COL5A2: variants seen among roughly 807,000 people sequenced by gnomAD.
The protein encoded by COL5A2 is collagen type V alpha 2 chain.
Under a neutral mutation model 208.2 loss-of-function variants are expected in COL5A2, and 23 were observed. The ratio of observed to expected loss-of-function variants is 0.11; its 90% CI spans 0.08 to 0.16. The LOEUF is 0.16. COL5A2 is among the 10% of genes least tolerant of loss of function. COL5A2 has a pLI of 1.00. For synonymous variants in COL5A2, 625 were observed against 628.5 expected (o/e 0.99, Z 0.08); for missense variants, 1,590 against 1,956.4 (o/e 0.81, Z 3.53).
At position 189,036,939 on chromosome 2, in the gene COL5A2, G is replaced by A. The variant is rs1559072383; in HGVS notation, c.3926-136C>T. ...TCTTTTAAGTGAGAGTGCCCCTTAC[G>A]AAAAAAGTAACCGGTATGCATTGGG... On this transcript the variant is annotated intron_variant, in intron 51 of 53. Coordinates refer to ENST00000374866, the MANE Select transcript of COL5A2 (RefSeq NM_000393.5). The A allele has an allele frequency of 3.3e-5, 24 of 727,272 alleles. 1 individual carries two copies. The highest frequency in any genetic ancestry group is 1.1e-4 in the South Asian group (6 of 54,690). The allele number at this position is 727,272 out of a possible 1,614,324, so 45.1% of individuals were successfully genotyped here.
At chr2:189,368,219 A>G in the COL5A2 span, among the ~76,000 whole-genome samples, 1,890 of 152,288 alleles carry the variant, frequency 0.012, 30 homozygotes, top group African/African-American at 0.044. Flanking sequence ...TTGAGAATGT[A>G]TAACTGTGTT....
In COL5A2 at chr2:189,223,749, C is replaced by T. The variant is rs138095880; in HGVS notation, c.-42+1399G>A. On this transcript the variant is annotated intron_variant, in intron 1 of 10. Transcript: ENST00000649966. The stretch of plus-strand genomic sequence containing the variant: ...TATTTATATGAAGTAAACTTTGGTG[C>T]TACAATTCATAATAATGGTTAACTT... Among the ~76,000 whole-genome samples the T allele has an allele frequency of 7.1e-3, 1,075 of 152,142 alleles. 24 individuals carry two copies. The highest frequency in any genetic ancestry group is 7.1e-3 in the Non-Finnish European group (483 of 68,006).
chr2:189,436,551 A>G, the COL5A2 span, among the ~76,000 whole-genome samples: 6 of 152,218 alleles, frequency 3.9e-5, no homozygotes, highest in Non-Finnish European at 8.8e-5. Flanking sequence ...ACATGCATGT[A>G]TATGTTCACT....
At chr2:189,159,693 A>G (rs1244376167) in intron 1 of COL5A2, among the ~76,000 whole-genome samples, 1 of 132,580 alleles carries the variant, frequency 7.5e-6, no homozygotes, top group African/African-American at 2.8e-5. Context: ...ATTCACTGAA[A>G]AAATTATTTA....
chr2:189,051,173 TA>T, intron 42 of COL5A2, 146 bp downstream of exon 42: 1 of 916,322 alleles, frequency 1.1e-6, no homozygotes, highest in Non-Finnish European at 1.6e-6. Flanking sequence ...ACGTTTTTCC[TA>T]AAGCCTTATA....
intron 1 of COL5A2, among the ~76,000 whole-genome samples, chr2:189,141,632 A>C (rs1298201377): frequency 6.6e-6 from 1 of 152,202 alleles, no homozygotes; most frequent in African/African-American, 2.4e-5. Context: ...CAAGTTTTAA[A>C]GTTAGCACGC....
At chr2:189,242,929 T>G in the COL5A2 span, among the ~76,000 whole-genome samples, 1 of 152,044 alleles carries the variant, frequency 6.6e-6, no homozygotes, top group East Asian at 1.9e-4. Context: ...ACTCATGGAG[T>G]CAGGGTACCA....
At chr2:189,289,947 T>C in the COL5A2 span, among the ~76,000 whole-genome samples, 1 of 152,220 alleles carries the variant, frequency 6.6e-6, no homozygotes, top group East Asian at 1.9e-4. Flanking sequence ...TATCAAAAGT[T>C]CAATGACATT....
chr2:189,177,196 C>T (rs1263091249), intron 1 of COL5A2, among the ~76,000 whole-genome samples: 1 of 152,188 alleles, frequency 6.6e-6, no homozygotes, highest in Non-Finnish European at 1.5e-5. Context: ...GTAAATATCA[C>T]ATTATGTGAC....
At chr2:189,326,234 AATG>A in the COL5A2 span, among the ~76,000 whole-genome samples, 2 of 152,168 alleles carry the variant, frequency 1.3e-5, no homozygotes, top group African/African-American at 4.8e-5. Flanking sequence ...AGTTTATTAT[AATG>A]ATGATGATTA....
At chr2:189,360,047 T>C in the COL5A2 span, among the ~76,000 whole-genome samples, 1 of 152,152 alleles carries the variant, frequency 6.6e-6, no homozygotes, top group East Asian at 1.9e-4. Flanking sequence ...CTCCATTTCA[T>C]TTATTTTTGC....
intron 1 of COL5A2, among the ~76,000 whole-genome samples, chr2:189,201,864 A>G (rs1196134065): frequency 2.0e-5 from 3 of 151,942 alleles, no homozygotes; most frequent in African/African-American, 4.8e-5. Context: ...CATCTGAGGT[A>G]CAAAAGGAAA....
chr2:189,227,102 A>C (rs1689430857), upstream of COL5A2, among the ~76,000 whole-genome samples: 1 of 152,122 alleles, frequency 6.6e-6, no homozygotes, highest in Non-Finnish European at 1.5e-5. Flanking sequence ...TACTTGGGCC[A>C]ATTGGTGAAA....
At chr2:189,261,162 T>C in the COL5A2 span, among the ~76,000 whole-genome samples, 19 of 152,136 alleles carry the variant, frequency 1.2e-4, no homozygotes, top group Non-Finnish European at 2.1e-4. Flanking sequence ...ATCATGCGGA[T>C]TCCATTCAGC....
the COL5A2 span, among the ~76,000 whole-genome samples, chr2:189,341,158 T>C: frequency 0.024 from 3,644 of 152,094 alleles, 156 homozygotes; most frequent in African/African-American, 0.084. Flanking sequence ...ATCTAGAAAT[T>C]TGTGGTTCAG....
At chr2:189,117,229 C>T (rs1262584292) in intron 1 of COL5A2, among the ~76,000 whole-genome samples, 1 of 152,136 alleles carries the variant, frequency 6.6e-6, no homozygotes, top group Non-Finnish European at 1.5e-5. Flanking sequence ...TCTGGAAGAG[C>T]AGATTTCAGT....
the COL5A2 span, among the ~76,000 whole-genome samples, chr2:189,419,665 A>G: frequency 4.0e-5 from 6 of 151,714 alleles, no homozygotes; most frequent in Admixed American, 2.6e-4. Flanking sequence ...GAGTGGTGGC[A>G]CACGTCTATA....
At chr2:189,045,338 ATATGTGTGTG>A in intron 46 of COL5A2, 106 bp from the exon 47 acceptor site, 1 of 707,098 alleles carries the variant, frequency 1.4e-6, no homozygotes, top group Admixed American at 2.5e-5. Flanking sequence ...GCATATATAT[ATATGTGTGTG>A]TGTGTGTGTG....
chr2:189,074,928 T>C (rs1686370363), intron 17 of COL5A2, among the ~76,000 whole-genome samples: 1 of 152,178 alleles, frequency 6.6e-6, no homozygotes, highest in Non-Finnish European at 1.5e-5. Flanking sequence ...GTTCTTATGT[T>C]TAAAATCCCT....
Sources: gnomAD v4.1 joint callset for allele counts (sites outside exome capture counted in the v4.1 genomes callset) on GRCh38, gnomAD v4.1.1 for gene constraint, MANE v1.5 for transcripts, NCBI Gene and HGNC (gene_info 2026-07-23, HGNC 2026-07-21) for gene names.